AKR1E2: variants seen among roughly 807,000 people sequenced by gnomAD.
AKR1E2 encodes aldo-keto reductase family 1 member E2.
A neutral mutation model predicts 41.9 loss-of-function variants in AKR1E2; 43 were observed. That is an observed-to-expected ratio of 1.03 (90% CI 0.80 to 1.32). The LOEUF (loss-of-function observed/expected upper bound fraction) is 1.32. Among genes scored for constraint, AKR1E2 ranks in the 40% most tolerant of loss-of-function variants. The pLI is 0.00. For synonymous variants in AKR1E2, 121 were observed against 138.9 expected (o/e 0.87, Z 0.91); for missense variants, 423 against 396.5 (o/e 1.07, Z -0.57).
chr10:4,832,338 G>A (rs1036271406), intron 2 of AKR1E2, among the ~76,000 whole-genome samples: 3 of 152,172 alleles, frequency 2.0e-5, no homozygotes, highest in East Asian at 1.9e-4. Flanking sequence ...CTTTATGGAA[G>A]TTAATGTTCT....
At chr10:4,841,019 G>A (rs574614190) in intron 6 of AKR1E2, among the ~76,000 whole-genome samples, 1 of 152,252 alleles carries the variant, frequency 6.6e-6, no homozygotes, top group East Asian at 1.9e-4. Flanking sequence ...GTGAAGTGGG[G>A]CATGTGTGTT....
At chr10:4,863,721 A>G in the AKR1E2 span, among the ~76,000 whole-genome samples, 12 of 152,092 alleles carry the variant, frequency 7.9e-5, no homozygotes, top group Non-Finnish European at 2.9e-5. Flanking sequence ...TAGCAAGACT[A>G]ATAAAGAAGA....
chr10:4,825,341 C>A (rs975992853), upstream of AKR1E2, among the ~76,000 whole-genome samples: 2 of 152,106 alleles, frequency 1.3e-5, no homozygotes, highest in Non-Finnish European at 2.9e-5. Context: ...CTGAGGGGGG[C>A]AATGAAGGGG....
chr10:4,857,010 C>A, the AKR1E2 span, among the ~76,000 whole-genome samples: 1 of 152,186 alleles, frequency 6.6e-6, no homozygotes, highest in Admixed American at 6.5e-5. Flanking sequence ...ATTCCCTCCT[C>A]CTCCAACCCC....
At chr10:4,854,005 G>T in the AKR1E2 span, among the ~76,000 whole-genome samples, 1 of 151,384 alleles carries the variant, frequency 6.6e-6, no homozygotes, top group South Asian at 2.1e-4. Context: ...ATATCATCAA[G>T]AAATAACCAT....
downstream of AKR1E2, among the ~76,000 whole-genome samples, chr10:4,852,235 C>T (rs1013003978): frequency 1.3e-5 from 2 of 152,054 alleles, no homozygotes; most frequent in South Asian, 2.1e-4. Flanking sequence ...TAAACAGAGG[C>T]GGTATATTTA....
At chr10:4,838,366 A>T (rs902833678) in intron 5 of AKR1E2, among the ~76,000 whole-genome samples, 5 of 152,142 alleles carry the variant, frequency 3.3e-5, no homozygotes, top group Admixed American at 2.6e-4. Context: ...TGTACATGTG[A>T]TTGTAGATAG....
At chr10:4,825,797 G>A (rs1028595432), upstream of AKR1E2, among the ~76,000 whole-genome samples, 3 of 152,214 alleles carry the variant, frequency 2.0e-5, no homozygotes, top group African/African-American at 7.2e-5. Flanking sequence ...CTTGCCCTAG[G>A]ATGGCCCGGC....
At chr10:4,826,925 A>C (rs948250903) in intron 1 of AKR1E2, among the ~76,000 whole-genome samples, 4 of 151,842 alleles carry the variant, frequency 2.6e-5, no homozygotes, top group Non-Finnish European at 4.4e-5. Context: ...AAAATGAACA[A>C]ATCAGCTGGG....
chr10:4,853,092 A>G, the AKR1E2 span, among the ~76,000 whole-genome samples: 1 of 152,372 alleles, frequency 6.6e-6, no homozygotes, highest in South Asian at 2.1e-4. Context: ...TTACAAAGCA[A>G]TGGGGAAAGT....
intron 1 of AKR1E2, among the ~76,000 whole-genome samples, chr10:4,828,428 T>C (rs965547174): frequency 6.6e-6 from 1 of 152,216 alleles, no homozygotes; most frequent in Non-Finnish European, 1.5e-5. Context: ...TACAGTTCCT[T>C]GATAAGCGCC....
Position 4,847,216 on chromosome 10 carries a change from G to T in AKR1E2, c.906G>T (p.Leu302=). ...NILSLNRNLR[L]AMFPITKNHK... is the part of the protein sequence containing the mutation. Reference sequence around the variant, plus strand: ...TCAGCCTAAACAGGAATCTCCGACTGGCCATGTTCCCCATGTAAATATGGC... The same window carrying T: ...TCAGCCTAAACAGGAATCTCCGACTTGCCATGTTCCCCATGTAAATATGGC... The change falls in exon 9 of 10, where the codon CTG becomes CTT. Residue 302 remains leucine (L), a synonymous_variant. Coordinates refer to ENST00000298375, the MANE Select transcript of AKR1E2 (RefSeq NM_001040177.3). The T allele has an allele frequency of 6.2e-7, 1 of 1,614,082 alleles. No homozygotes were observed. The highest frequency in any genetic ancestry group is 1.7e-5 in the Admixed American group (1 of 60,018).
rs1408549327 is a variant in AKR1E2, at chr10:4,826,241, G to A, written c.-84G>A. On this transcript the variant is annotated 5_prime_UTR_variant, in exon 1 of 10. Coordinates refer to ENST00000298375, the MANE Select transcript of AKR1E2 (RefSeq NM_001040177.3). ...CACTTCCAGCCAGTCGCAACGGCGGGTCGCCAGCGCCGCAGTAGCTCGCGC... is the reference window on the plus strand; with the variant it reads ...CACTTCCAGCCAGTCGCAACGGCGGATCGCCAGCGCCGCAGTAGCTCGCGC... 2.6e-6 allele frequency: 3 copies of A among 1,136,262 alleles called. No homozygotes were observed. Among genetic ancestry groups the A allele is most frequent in the East Asian group, 6.4e-5 (2 of 31,200 alleles). 70.4% of individuals were successfully genotyped at this position (1,136,262 alleles called of 1,614,324 possible). A position where few individuals can be genotyped will look rare whatever the true frequency, so the allele number is the denominator to read the frequency against.
chr10:4,840,518 C>T (rs1424456725), intron 6 of AKR1E2, among the ~76,000 whole-genome samples: 4 of 152,146 alleles, frequency 2.6e-5, no homozygotes, highest in Non-Finnish European at 5.9e-5. Context: ...TTCCTATGAT[C>T]CTATCACTTT....
At chr10:4,827,319 A>AACCACCATTCTATTCTAC (rs1554753171) in intron 1 of AKR1E2, among the ~76,000 whole-genome samples, 14 of 151,770 alleles carry the variant, frequency 9.2e-5, no homozygotes, top group South Asian at 2.1e-4. Flanking sequence ...GTTTGTGGTA[A>AACCACCATTCTATTCTAC]GATGTTTGAA....
intron 4 of AKR1E2, among the ~76,000 whole-genome samples, chr10:4,836,323 A>C (rs977925251): frequency 1.3e-5 from 2 of 152,148 alleles, no homozygotes; most frequent in Non-Finnish European, 2.9e-5. Flanking sequence ...GACCAAAAAC[A>C]GCCCTTTACT....
At chr10:4,869,335 T>G in the AKR1E2 span, among the ~76,000 whole-genome samples, 1 of 152,158 alleles carries the variant, frequency 6.6e-6, no homozygotes, top group African/African-American at 2.4e-5. Context: ...AGTACCCCAT[T>G]ACCATCCTGT....
the AKR1E2 span, among the ~76,000 whole-genome samples, chr10:4,862,005 C>T: frequency 6.6e-6 from 1 of 152,146 alleles, no homozygotes; most frequent in Non-Finnish European, 1.5e-5. Context: ...AGTCCTTGCC[C>T]ATGCCTATGT....
At chr10:4,856,931 A>G in the AKR1E2 span, among the ~76,000 whole-genome samples, 3 of 152,118 alleles carry the variant, frequency 2.0e-5, no homozygotes, top group Admixed American at 2.0e-4. Context: ...AACCATCACC[A>G]TCATCCACTT....
Sources: gnomAD v4.1 joint callset for allele counts (sites outside exome capture counted in the v4.1 genomes callset) on GRCh38, gnomAD v4.1.1 for gene constraint, MANE v1.5 for transcripts, NCBI Gene and HGNC (gene_info 2026-07-23, HGNC 2026-07-21) for gene names.